The following KCNK9 variants were observed in gnomAD, a reference collection of about 807,000 sequenced individuals.
KCNK9 encodes potassium two pore domain channel subfamily K member 9.
Under a neutral mutation model 10.8 loss-of-function variants are expected in KCNK9, and 1 was observed. The observed-to-expected ratio is 0.09, with a 90% CI of 0.03 to 0.44. The LOEUF is 0.44. Ranked by LOEUF, KCNK9 falls within the 20% of genes least tolerant of loss-of-function variation. The pLI is 0.97. For missense variants in KCNK9, 303 were observed against 515.0 expected, an observed-to-expected ratio of 0.59 and a Z score of 3.98; for synonymous variants, 231 against 222.7, an observed-to-expected ratio of 1.04 and a Z score of -0.33.
intron 1 of KCNK9, among the ~76,000 whole-genome samples, chr8:139,691,227 A>T (rs1816928589): frequency 6.6e-6 from 1 of 152,116 alleles, no homozygotes; most frequent in Non-Finnish European, 1.5e-5. Flanking sequence ...TCATGCGTCC[A>T]CAAGTGTCCT....
intron 1 of KCNK9, among the ~76,000 whole-genome samples, chr8:139,648,415 T>C (rs1196583285): frequency 6.6e-6 from 1 of 152,222 alleles, no homozygotes; most frequent in African/African-American, 2.4e-5. Context: ...GTTAATTTTG[T>C]AAAGCGTATT....
intron 2 of KCNK9, among the ~76,000 whole-genome samples, chr8:139,602,471 G>A (rs1344685321): frequency 6.6e-6 from 1 of 152,186 alleles, no homozygotes; most frequent in Non-Finnish European, 1.5e-5. Context: ...CATTTTTTTG[G>A]AGGGTGGTGG....
chr8:139,656,005 G>C (rs1029052504), intron 1 of KCNK9, among the ~76,000 whole-genome samples: 4 of 151,346 alleles, frequency 2.6e-5, no homozygotes, highest in Admixed American at 2.6e-4. Flanking sequence ...ACAGAGGCTA[G>C]AGGCAAGCAG....
rs1435224000 is a variant in KCNK9, at chr8:139,660,450, AT to A, written c.284-41352del. Among the ~76,000 whole-genome samples the A allele has an allele frequency of 3.8e-3, 477 of 126,262 alleles. 3 individuals are homozygous for A. Among genetic ancestry groups the A allele is most frequent in the African/African-American group, 0.014 (420 of 29,410 alleles). The allele number at this position is 126,262 out of a possible 152,430, so 82.8% of individuals were successfully genotyped here. A position where few individuals can be genotyped will look rare whatever the true frequency, so the allele number is the denominator to read the frequency against. Reference sequence around the variant, plus strand: ...TGAAACCCGTCTCTGCTAAAAAAAAATATATATATATATATATATATTAGCC... The same window carrying A: ...TGAAACCCGTCTCTGCTAAAAAAAAAATATATATATATATATATATTAGCC... On this transcript the variant is annotated intron_variant, in intron 1 of 1. Transcript: ENST00000520439.
Position 139,693,116 on chromosome 8 carries a change from C to T in KCNK9, c.283+9594G>A, listed in dbSNP as rs749436748. On this transcript the variant is annotated intron_variant, in intron 1 of 1. Transcript: ENST00000520439. The surrounding 1 kb of genome is among the most constrained non-coding windows in gnomAD (Gnocchi z 4.1). ...ACACCTCTGACAAACACCACATGTG[C>T]GCTGCGTGCCTGTCAGCTGCAGGTA... Among the ~76,000 whole-genome samples, 12 of 152,142 alleles carry T rather than the reference C, an allele frequency of 7.9e-5. No homozygotes were observed. Among genetic ancestry groups the T allele is most frequent in the South Asian group, 6.2e-4 (3 of 4,820 alleles).
At chr8:139,625,260 G>A (rs767701418) in intron 1 of KCNK9, among the ~76,000 whole-genome samples, 6 of 152,212 alleles carry the variant, frequency 3.9e-5, no homozygotes, top group African/African-American at 1.2e-4. Flanking sequence ...CTTCTTAGCC[G>A]GTTACTAGGT....
At chr8:139,672,116 A>G (rs7823196) in intron 1 of KCNK9, among the ~76,000 whole-genome samples, 107,790 of 152,020 alleles carry the variant, frequency 0.71, 38,644 homozygotes, top group Non-Finnish European at 0.75. Context: ...GCAGGGGCTC[A>G]CCAAGGCTCG....
At chr8:139,677,974 A>G (rs547081072) in intron 1 of KCNK9, among the ~76,000 whole-genome samples, 1 of 147,608 alleles carries the variant, frequency 6.8e-6, no homozygotes, top group African/African-American at 2.7e-5. Context: ...GCAGAGTAAT[A>G]CCTCACATCC....
intron 1 of KCNK9, among the ~76,000 whole-genome samples, chr8:139,675,966 C>G (rs1292888012): frequency 6.6e-6 from 1 of 152,198 alleles, no homozygotes; most frequent in Non-Finnish European, 1.5e-5. Flanking sequence ...AGAAATAATA[C>G]ACTGCTTTTA....
rs1165171642 is a variant in KCNK9 at position 139,617,772 on chromosome 8, G to GCA, written c.*484_*485dup. ...TGTCACGACACACGTGCACACAGAAGCACACACACAACACACACACAGTCA... is the reference window on the plus strand; with the variant it reads ...TGTCACGACACACGTGCACACAGAAGCACACACACACAACACACACACAGTCA... On this transcript the variant is annotated 3_prime_UTR_variant, in exon 2 of 2. Transcript: ENST00000520439. Among the ~76,000 whole-genome samples the GCA allele has an allele frequency of 6.6e-6, 1 of 152,082 alleles. No homozygotes were observed. Among genetic ancestry groups the GCA allele is most frequent in the African/African-American group, 2.4e-5 (1 of 41,390 alleles).
Position 139,618,939 on chromosome 8 carries a change from G to A in KCNK9, c.444C>T (p.Gly148=), listed in dbSNP as rs767740721. Residue 148 remains glycine (G), a synonymous_variant, in exon 2 of 2, where the codon GGC becomes GGT. Coordinates refer to ENST00000520439, the MANE Select transcript of KCNK9 (RefSeq NM_001282534.2). The surrounding 1 kb of genome is among the most constrained non-coding windows in gnomAD (Gnocchi z 7.9). ...YLLKRIKKCC[G]MRNTDVSMEN... ...CCATAGACACGTCAGTGTTGCGCATGCCACAGCACTTCTTAATGCGCTTCA... is the reference window on the plus strand; with the variant it reads ...CCATAGACACGTCAGTGTTGCGCATACCACAGCACTTCTTAATGCGCTTCA... The A allele has an allele frequency of 6.2e-7, 1 of 1,614,232 alleles. No individual in the cohort carries two copies.
chr8:139,675,719 G>C (rs766291260), intron 1 of KCNK9, among the ~76,000 whole-genome samples: 1 of 150,326 alleles, frequency 6.7e-6, no homozygotes, highest in Non-Finnish European at 1.5e-5. Flanking sequence ...CTGACCCCCC[G>C]CCTAGAGAGC....
intron 1 of KCNK9, among the ~76,000 whole-genome samples, chr8:139,668,282 A>T (rs1816346286): frequency 6.6e-6 from 1 of 152,160 alleles, no homozygotes; most frequent in African/African-American, 2.4e-5. Flanking sequence ...CCCCCATGAC[A>T]TGGGTTTACC....
chr8:139,621,672 C>T (rs1814785454), intron 1 of KCNK9, among the ~76,000 whole-genome samples: 1 of 152,192 alleles, frequency 6.6e-6, no homozygotes, highest in African/African-American at 2.4e-5. Flanking sequence ...AATAAGATTA[C>T]TGAAGGCTGC....
At chr8:139,650,794 G>A (rs1815840001) in intron 1 of KCNK9, among the ~76,000 whole-genome samples, 1 of 152,102 alleles carries the variant, frequency 6.6e-6, no homozygotes, top group South Asian at 2.1e-4. Context: ...CAGCATGTGG[G>A]AGGGAAGCAG....
intron 1 of KCNK9, among the ~76,000 whole-genome samples, chr8:139,669,798 G>T (rs1243836258): frequency 6.6e-6 from 1 of 151,858 alleles, no homozygotes; most frequent in Admixed American, 6.6e-5. Context: ...TTACTTTGCC[G>T]AGATCCATCA....
chr8:139,644,718 C>CG lies in KCNK9; in HGVS notation c.284-25620_284-25619insC, dbSNP rs918546846. Reference sequence around the variant, plus strand: ...TCCCTGGGGTGCTCCTGCCCTGTCCCCCCCCCCCAGAGCCTCCCACTGCCC... The same window carrying CG: ...TCCCTGGGGTGCTCCTGCCCTGTCCCGCCCCCCCCAGAGCCTCCCACTGCCC... On this transcript the variant is annotated intron_variant, in intron 1 of 1. Coordinates refer to ENST00000520439, the MANE Select transcript of KCNK9 (RefSeq NM_001282534.2). 3.4e-4 allele frequency among the ~76,000 whole-genome samples: 39 copies of CG among 113,520 alleles called. 1 individual carries two copies. Among genetic ancestry groups the CG allele is most frequent in the African/African-American group, 2.0e-3 (33 of 16,400 alleles). The allele number at this position is 113,520 out of a possible 152,430, so 74.5% of individuals were successfully genotyped here. A position where few individuals can be genotyped will look rare whatever the true frequency, so the allele number is the denominator to read the frequency against.
rs567536867 is a variant in KCNK9 at position 139,667,373 on chromosome 8, T to C, written c.283+35337A>G. Among the ~76,000 whole-genome samples the C allele has an allele frequency of 5.9e-5, 9 of 151,776 alleles. No individual in the cohort carries two copies. The East Asian group carries it at 9.7e-4, about 16-fold the overall frequency. On this transcript the variant is annotated intron_variant, in intron 1 of 1. Transcript: ENST00000520439. Reference sequence around the variant, plus strand: ...CTAGGGATTTATCCTAAGGAGAAAATTGGACAAGTGTGCAAATGAATGTGC... The same window carrying C: ...CTAGGGATTTATCCTAAGGAGAAAACTGGACAAGTGTGCAAATGAATGTGC...
chr8:139,655,567 ACCCAGCTC>A (rs1816001616), intron 1 of KCNK9, among the ~76,000 whole-genome samples: 1 of 152,178 alleles, frequency 6.6e-6, no homozygotes, highest in Admixed American at 6.5e-5. Flanking sequence ...GCTGAGCGAT[ACCCAGCTC>A]TGAATGGGGG....
Sources: allele counts gnomAD v4.1 joint callset (sites outside exome capture counted in the v4.1 genomes callset), GRCh38; gene constraint gnomAD v4.1.1; non-coding constraint Gnocchi (gnomAD v3.1); transcripts MANE v1.5; gene names NCBI Gene and HGNC (gene_info 2026-07-23, HGNC 2026-07-21).